Variants in USP32 observed in about 807,000 individuals in gnomAD.
USP32 encodes ubiquitin carboxyl-terminal hydrolase 32.
A neutral mutation model predicts 204.8 loss-of-function variants in USP32; 59 were observed. The observed-to-expected ratio is 0.29, with a 90% CI of 0.23 to 0.36. USP32 has a LOEUF of 0.36. Ranked by LOEUF, USP32 falls within the 10% of genes least tolerant of loss-of-function variation. The pLI is 1.00. For synonymous variants in USP32, 517 were observed against 678.4 expected, an observed-to-expected ratio of 0.76 and a Z score of 3.70; for missense variants, 1,160 against 1,946.4, an observed-to-expected ratio of 0.60 and a Z score of 7.60.
intron 2 of USP32, among the ~76,000 whole-genome samples, chr17:60,344,278 G>T (rs1332343163): frequency 6.7e-6 from 1 of 150,370 alleles, no homozygotes; most frequent in African/African-American, 2.4e-5. Context: ...ACAGGCACCC[G>T]CCACTAAGCC....
At chr17:60,369,931 G>A (rs1406452356) in intron 1 of USP32, among the ~76,000 whole-genome samples, 2 of 152,058 alleles carry the variant, frequency 1.3e-5, no homozygotes, top group Non-Finnish European at 2.9e-5. Flanking sequence ...GTAGAGACAA[G>A]GTCTCACTAT....
At chr17:60,185,745 A>C in intron 29 of USP32, 94 bp from the exon 30 acceptor site, 1 of 1,413,694 alleles carries the variant, frequency 7.1e-7, no homozygotes. Flanking sequence ...ACTCACCCTT[A>C]TTTTACTCTA....
At chr17:60,308,798 C>T (rs1479571104) in intron 2 of USP32, among the ~76,000 whole-genome samples, 1 of 152,064 alleles carries the variant, frequency 6.6e-6, no homozygotes, top group Non-Finnish European at 1.5e-5. Flanking sequence ...CGTGGTGGCG[C>T]ATGCCTGTAA....
At chr17:60,392,226 GCCA>G (rs2089854018), upstream of USP32, 1 of 379,284 alleles carries the variant, frequency 2.6e-6, no homozygotes, top group Non-Finnish European at 4.8e-6. Context: ...ACGCCCTCTT[GCCA>G]CTTCCGCCCC....
At chr17:60,249,793 T>G (rs1373180235) in intron 11 of USP32, 2 of 700,516 alleles carry the variant, frequency 2.9e-6, no homozygotes, top group Admixed American at 4.0e-5. Context: ...GTTTTTTAAG[T>G]GCTTTTGGGG....
intron 28 of USP32, among the ~76,000 whole-genome samples, chr17:60,191,556 C>A (rs1363808301): frequency 6.6e-6 from 1 of 151,180 alleles, no homozygotes; most frequent in Non-Finnish European, 1.5e-5. Context: ...GTCGCCCAGG[C>A]TGGAGTGCAG....
intron 1 of USP32, among the ~76,000 whole-genome samples, chr17:60,352,273 T>C (rs73320745): frequency 8.9e-4 from 135 of 152,310 alleles, no homozygotes; most frequent in African/African-American, 2.8e-3. Context: ...TTTGCCCTTA[T>C]CTCTTCTTCC....
chr17:60,201,944 A>T, intron 26 of USP32, among the ~76,000 whole-genome samples: 1 of 152,218 alleles, frequency 6.6e-6, no homozygotes, highest in Non-Finnish European at 1.5e-5. Flanking sequence ...GGCGTGAGCC[A>T]CCGCACCCAG....
intron 2 of USP32, among the ~76,000 whole-genome samples, chr17:60,337,890 T>C (rs1208166980): frequency 6.6e-6 from 1 of 151,216 alleles, no homozygotes; most frequent in Non-Finnish European, 1.5e-5. Context: ...AAGATTTACA[T>C]GAATAAGATT....
chr17:60,228,518 T>A (rs1209065528), intron 12 of USP32, among the ~76,000 whole-genome samples: 6 of 150,058 alleles, frequency 4.0e-5, no homozygotes, highest in African/African-American at 9.8e-5. Context: ...TTTTTTTTTT[T>A]AATTAAAACA....
chr17:60,310,322 G>A (rs577595264), intron 2 of USP32, among the ~76,000 whole-genome samples: 5 of 152,216 alleles, frequency 3.3e-5, no homozygotes, highest in African/African-American at 9.6e-5. Flanking sequence ...CATAATAGTC[G>A]AAGTTTGGAA....
chr17:60,238,590 G>A (rs891215826), intron 11 of USP32, among the ~76,000 whole-genome samples: 3 of 151,984 alleles, frequency 2.0e-5, no homozygotes, highest in Admixed American at 6.6e-5. Context: ...ATAACCTGAG[G>A]TCAGGAGTTC....
chr17:60,316,263 A>C lies in USP32; in HGVS notation c.187-14559T>G, dbSNP rs548123737. ...ACATTTCATTCTCAAAAAAAAAAAA[A>C]AATTCTCTCTTCCCTGTTACTGGTA... On this transcript the variant is annotated intron_variant, in intron 2 of 33. Coordinates refer to ENST00000300896, the MANE Select transcript of USP32 (RefSeq NM_032582.4). The C allele has an allele frequency of 1.8e-5, 3 of 165,350 alleles. No individual in the cohort carries two copies. In the East Asian group the frequency reaches 5.3e-4, roughly 29 times the overall value. The allele number at this position is 165,350 out of a possible 1,614,324, so 10.2% of individuals were successfully genotyped here. A position where few individuals can be genotyped will look rare whatever the true frequency, so the allele number is the denominator to read the frequency against.
chr17:60,211,905 A>C (rs1352855183), intron 19 of USP32, 119 bp downstream of exon 19: 8 of 780,442 alleles, frequency 1.0e-5, no homozygotes, highest in Non-Finnish European at 1.6e-5. Flanking sequence ...AAAAAGAAGA[A>C]GGCCCTAATT....
chr17:60,364,124 G>C (rs1274003493), intron 1 of USP32, among the ~76,000 whole-genome samples: 2 of 152,178 alleles, frequency 1.3e-5, no homozygotes, highest in African/African-American at 4.8e-5. Flanking sequence ...TGTCTGGTGA[G>C]AGCCTTTTCC....
At chr17:60,374,541 G>A (rs1260504690) in intron 1 of USP32, among the ~76,000 whole-genome samples, 1 of 151,994 alleles carries the variant, frequency 6.6e-6, no homozygotes, top group Non-Finnish European at 1.5e-5. Context: ...AGGACCACAG[G>A]CGTGTGCCTA....
At chr17:60,303,293 G>A (rs992257402) in intron 2 of USP32, among the ~76,000 whole-genome samples, 1 of 151,998 alleles carries the variant, frequency 6.6e-6, no homozygotes, top group African/African-American at 2.4e-5. Context: ...TTATCCCTGG[G>A]GAAGGGCAGG....
upstream of USP32, chr17:60,392,232 T>A: frequency 1.1e-5 from 3 of 284,688 alleles, no homozygotes; most frequent in Non-Finnish European, 6.8e-6. Flanking sequence ...TCTTGCCACT[T>A]CCGCCCCCTC....
chr17:60,221,294 G>A (rs1285937032), intron 15 of USP32, among the ~76,000 whole-genome samples: 4 of 152,038 alleles, frequency 2.6e-5, no homozygotes, highest in Non-Finnish European at 5.9e-5. Context: ...TGGGGAGGCT[G>A]AGGTGGGAAT....
Sources: allele counts gnomAD v4.1 joint callset (sites outside exome capture counted in the v4.1 genomes callset), GRCh38; gene constraint gnomAD v4.1.1; transcripts MANE v1.5; gene names NCBI Gene and HGNC (gene_info 2026-07-23, HGNC 2026-07-21).